Variants in GRM5 observed in about 807,000 individuals in gnomAD.
GRM5 encodes metabotropic glutamate receptor 5.
Under a neutral mutation model 83.1 loss-of-function variants are expected in GRM5, and 19 were observed. That is an observed-to-expected ratio of 0.23 (90% CI 0.16 to 0.34). The LOEUF (loss-of-function observed/expected upper bound fraction) is 0.34. Among genes scored for constraint, GRM5 ranks in the 10% least tolerant of loss-of-function variants. The pLI, the probability that GRM5 is intolerant of heterozygous loss-of-function variation, is 1.00. For missense variants in GRM5, 1,160 were observed against 1,588.3 expected (o/e 0.73, Z 4.58); for synonymous variants, 675 against 633.6 (o/e 1.07, Z -0.98).
At chr11:88,616,389 GTT>G (rs68153026) in intron 4 of GRM5, among the ~76,000 whole-genome samples, 40,336 of 95,288 alleles carry the variant, frequency 0.42, 7,992 homozygotes, top group South Asian at 0.59. Context: ...GCTTTGGAGT[GTT>G]TTTTTTTTTT....
At position 88,773,491 on chromosome 11, in the gene GRM5, A is replaced by G. The variant is rs561363108; in HGVS notation, c.911+76415T>C. On this transcript the variant is annotated intron_variant, in intron 3 of 9. Coordinates refer to ENST00000305447, the MANE Select transcript of GRM5 (RefSeq NM_001143831.3). ...TTTGTCTATTTTGGCTTTTGTTGCC[A>G]TTGCTTTTGGTGTTTTAGTCATGAA... Among the ~76,000 whole-genome samples, 97 of 152,198 alleles carry G rather than the reference A, an allele frequency of 6.4e-4. 1 individual carries two copies. The highest frequency in any genetic ancestry group is 5.0e-3 in the Admixed American group (77 of 15,292).
At position 88,638,460 on chromosome 11, in the gene GRM5, T is replaced by A. The variant is rs184670053; in HGVS notation, c.1147+14708A>T. On this transcript the variant is annotated intron_variant, in intron 4 of 9. Transcript: ENST00000305447. The stretch of plus-strand genomic sequence containing the variant: ...TGTTTGTTTTGTTTTCCATGAGATA[T>A]TTTCGTCTGGTTTTGGTACCTGTAA... Among the ~76,000 whole-genome samples the A allele has an allele frequency of 7.9e-5, 12 of 152,190 alleles. No individual in the cohort carries two copies. The East Asian group carries it at 2.3e-3, about 29-fold the overall frequency.
intron 2 of GRM5, among the ~76,000 whole-genome samples, chr11:89,020,186 G>A (rs1940948619): frequency 6.6e-6 from 1 of 152,166 alleles, no homozygotes; most frequent in Admixed American, 6.5e-5. Context: ...TATTTATAGT[G>A]TACAAGTGAA....
At chr11:88,627,447 T>C (rs1938833619) in intron 4 of GRM5, among the ~76,000 whole-genome samples, 1 of 152,208 alleles carries the variant, frequency 6.6e-6, no homozygotes, top group Non-Finnish European at 1.5e-5. Context: ...TTAGGGATAG[T>C]TTCTAGCCTT....
chr11:88,657,715 A>C (rs535691295), intron 3 of GRM5, among the ~76,000 whole-genome samples: 4 of 152,166 alleles, frequency 2.6e-5, no homozygotes, highest in Non-Finnish European at 5.9e-5. Flanking sequence ...TGTTTAAAAC[A>C]AAATTGACTC....
intron 3 of GRM5, among the ~76,000 whole-genome samples, chr11:88,808,361 C>T (rs1302911968): frequency 6.6e-6 from 1 of 151,816 alleles, no homozygotes; most frequent in Admixed American, 6.6e-5. Context: ...TATGTATTTA[C>T]CATGTAAACT....
intron 3 of GRM5, among the ~76,000 whole-genome samples, chr11:88,710,674 T>C (rs2135383813): frequency 6.6e-6 from 1 of 151,992 alleles, no homozygotes; most frequent in South Asian, 2.1e-4. Flanking sequence ...ACTTGAAAAA[T>C]ATTGAGATCT....
chr11:88,903,703 A>G (rs1490258365), intron 2 of GRM5, among the ~76,000 whole-genome samples: 1 of 152,204 alleles, frequency 6.6e-6, no homozygotes, highest in Non-Finnish European at 1.5e-5. Context: ...ACATGTTTGC[A>G]TGAATGTAGA....
Position 88,567,493 on chromosome 11 carries a change from G to A in GRM5, c.2190C>T (p.Tyr730=), listed in dbSNP as rs769045732. 44 of 1,613,968 alleles carry A rather than the reference G, an allele frequency of 2.7e-5. No individual in the cohort carries two copies. The highest frequency in any genetic ancestry group is 3.3e-5 in the Admixed American group (2 of 60,000). The change falls in exon 8 of 10, where the codon TAC becomes TAT. Residue 730 remains tyrosine, a synonymous_variant. Transcript: ENST00000305447. This position sits in a 1 kb window ranked among gnomAD's most constrained non-coding sequence, Gnocchi z 7.3. Reference sequence around the variant, plus strand: ...CTAGGTTGGTGGTGTTACAGATCAGGTAGACTTCTCGAATGCTTGGGTAGT... The same window carrying A: ...CTAGGTTGGTGGTGTTACAGATCAGATAGACTTCTCGAATGCTTGGGTAGT... The part of the protein sequence containing the change: ...MHDYPSIREV[Y]LICNTTNLGV...
chr11:88,616,432 ATCTGATTTTC>A (rs1201950500), intron 4 of GRM5, among the ~76,000 whole-genome samples: 4 of 139,138 alleles, frequency 2.9e-5, no homozygotes, highest in African/African-American at 1.1e-4. Flanking sequence ...AAACATTACA[ATCTGATTTTC>A]ATTAAAAATT....
chr11:88,743,377 C>G (rs967393648), intron 3 of GRM5, among the ~76,000 whole-genome samples: 1 of 152,134 alleles, frequency 6.6e-6, no homozygotes, highest in Non-Finnish European at 1.5e-5. Context: ...AAGTGGTGAG[C>G]AGATGATATT....
At chr11:88,747,926 C>T (rs1230286975) in intron 3 of GRM5, among the ~76,000 whole-genome samples, 6 of 152,126 alleles carry the variant, frequency 3.9e-5, no homozygotes, top group African/African-American at 9.7e-5. Context: ...GTGAATTCAG[C>T]ACCTTCGACT....
At chr11:88,869,315 GT>G (rs1944722991) in intron 2 of GRM5, among the ~76,000 whole-genome samples, 2 of 151,526 alleles carry the variant, frequency 1.3e-5, no homozygotes, top group African/African-American at 4.8e-5. Flanking sequence ...ATGAAATTGT[GT>G]AGGTAGCTAT....
chr11:88,927,533 A>G (rs1044174730), intron 2 of GRM5, among the ~76,000 whole-genome samples: 3 of 152,188 alleles, frequency 2.0e-5, no homozygotes, highest in African/African-American at 7.2e-5. Context: ...ATAGCATTTT[A>G]TCATAAAATT....
chr11:88,888,337 T>A (rs1317310492), intron 2 of GRM5, among the ~76,000 whole-genome samples: 1 of 152,110 alleles, frequency 6.6e-6, no homozygotes, highest in African/African-American at 2.4e-5. Flanking sequence ...AGGTGAGCAA[T>A]AGGTCTCCTA....
At position 88,712,330 on chromosome 11, in the gene GRM5, G is replaced by T. The variant is rs574051296; in HGVS notation, c.912-58927C>A. ...CCATATATGTCCTACAAGCAGAGAT[G>T]ATCTATATCTTGTAGGAGCATGTTA... On this transcript the variant is annotated intron_variant, in intron 3 of 9. Coordinates refer to ENST00000305447, the MANE Select transcript of GRM5 (RefSeq NM_001143831.3). Among the ~76,000 whole-genome samples, 22 of 152,142 alleles carry T rather than the reference G, an allele frequency of 1.4e-4. 1 individual carries two copies. The South Asian group carries it at 4.1e-3, about 29-fold the overall frequency.
Position 88,508,731 on chromosome 11 carries a change from G to C in GRM5, c.3500C>G (p.Ser1167Cys). The change falls in exon 10 of 10, where the codon TCC becomes TGC. Residue 1167 changes from serine to cysteine, a missense_variant. This residue lies in a region of GRM5 where 562 missense variants were observed against 532.4 expected (regional missense o/e 1.06). Transcript: ENST00000305447. This position sits in a 1 kb window ranked among gnomAD's most constrained non-coding sequence, Gnocchi z 4.2. ...CGAGTCCACCGAGTCTCTGAAGGGG[G>C]ACGGCGGGGTGAGAGCCACCAGCTC... is the stretch of plus-strand genomic sequence containing the variant. ...LEELVALTPP[S>C]PFRDSVDSGS... 1 of 1,585,298 alleles carries C rather than the reference G, an allele frequency of 6.3e-7. No homozygotes were observed. The highest frequency in any genetic ancestry group is 8.6e-7 in the Non-Finnish European group (1 of 1,167,418).
chr11:88,905,539 G>A (rs1206798731), intron 2 of GRM5, among the ~76,000 whole-genome samples: 15 of 152,028 alleles, frequency 9.9e-5, no homozygotes, highest in South Asian at 4.2e-4. Context: ...ACGGGGTTTC[G>A]CCAGGTTTGT....
At chr11:88,613,233 T>A (rs1166013588) in intron 4 of GRM5, among the ~76,000 whole-genome samples, 1 of 152,146 alleles carries the variant, frequency 6.6e-6, no homozygotes, top group Non-Finnish European at 1.5e-5. Flanking sequence ...AAGTCTTGAG[T>A]TTAAGTCCAG....
Sources: gnomAD v4.1 joint callset for allele counts (sites outside exome capture counted in the v4.1 genomes callset) on GRCh38, gnomAD v4.1.1 for gene constraint, gnomAD v4.1.1 regional missense constraint, Gnocchi (gnomAD v3.1) non-coding constraint, MANE v1.5 for transcripts, NCBI Gene and HGNC (gene_info 2026-07-23, HGNC 2026-07-21) for gene names.